ADAMTS9: variants seen among roughly 807,000 people sequenced by gnomAD.
The protein encoded by ADAMTS9 is ADAM metallopeptidase with thrombospondin type 1 motif 9.
A neutral mutation model predicts 257.1 loss-of-function variants in ADAMTS9; 107 were observed. The ratio of observed to expected loss-of-function variants is 0.42; its 90% CI spans 0.36 to 0.49. The LOEUF is 0.49. Among genes scored for constraint, ADAMTS9 ranks in the 20% least tolerant of loss-of-function variants. The pLI is 0.03. For synonymous variants in ADAMTS9, 982 were observed against 880.9 expected (o/e 1.11, Z -2.03); for missense variants, 2,353 against 2,469.1 (o/e 0.95, Z 1.00).
At chr3:64,541,729 G>T (rs890249409) in intron 33 of ADAMTS9, 109 bp from the exon 34 acceptor site, 2 of 1,562,726 alleles carry the variant, frequency 1.3e-6, no homozygotes, top group Non-Finnish European at 1.8e-6. Flanking sequence ...CAAAGCGAAT[G>T]ATTTCCTTCA....
rs150618300 is a variant in ADAMTS9 at position 64,604,431 on chromosome 3, A to G, written c.3475-100T>C. The G allele has an allele frequency of 6.0e-6, 5 of 837,208 alleles. No individual in the cohort carries two copies. The East Asian group carries it at 1.1e-4, about 18-fold the overall frequency. 51.9% of individuals were successfully genotyped at this position (837,208 alleles called of 1,614,324 possible). On this transcript the variant is annotated intron_variant, in intron 23 of 39. Coordinates refer to ENST00000498707, the MANE Select transcript of ADAMTS9 (RefSeq NM_182920.2). ...TAAAAATGTAAAGGCTAAGAATTCTAAGGCTTCAGATTTCTGTGTGAATCT... is the reference window on the plus strand; with the variant it reads ...TAAAAATGTAAAGGCTAAGAATTCTGAGGCTTCAGATTTCTGTGTGAATCT...
At chr3:64,667,959 TTTTAC>T (rs1701389860) in intron 3 of ADAMTS9, among the ~76,000 whole-genome samples, 1 of 152,232 alleles carries the variant, frequency 6.6e-6, no homozygotes, top group Admixed American at 6.5e-5. Flanking sequence ...AGGGCCTGTG[TTTTAC>T]TAAGAGACTA....
chr3:64,613,848 A>C (rs2084712549), intron 21 of ADAMTS9, among the ~76,000 whole-genome samples: 1 of 152,152 alleles, frequency 6.6e-6, no homozygotes, highest in Non-Finnish European at 1.5e-5. Flanking sequence ...CACTTATATA[A>C]CCAGTCACAA....
At chr3:64,653,586 G>A (rs1356656309) in intron 8 of ADAMTS9, among the ~76,000 whole-genome samples, 2 of 152,126 alleles carry the variant, frequency 1.3e-5, no homozygotes, top group African/African-American at 2.4e-5. Context: ...TTAGCTCTAA[G>A]TAAAGTTACC....
At chr3:64,570,710 A>AG (rs1194046930) in intron 28 of ADAMTS9, among the ~76,000 whole-genome samples, 2 of 151,586 alleles carry the variant, frequency 1.3e-5, no homozygotes, top group Non-Finnish European at 2.9e-5. Flanking sequence ...AAAAAAAAAA[A>AG]AAAAAAAAAA....
chr3:64,624,670 C>T (rs1291888276), intron 16 of ADAMTS9, among the ~76,000 whole-genome samples: 4 of 152,100 alleles, frequency 2.6e-5, no homozygotes, highest in African/African-American at 7.2e-5. Context: ...TACTACTTTG[C>T]TATTATGTGA....
chr3:64,674,382 A>G (rs898406086), intron 3 of ADAMTS9, among the ~76,000 whole-genome samples: 5 of 152,218 alleles, frequency 3.3e-5, no homozygotes, highest in Admixed American at 6.5e-5. Flanking sequence ...AAAATTCATA[A>G]TCAGTCTTGA....
intron 19 of ADAMTS9, among the ~76,000 whole-genome samples, 177 bp downstream of exon 19, chr3:64,620,937 A>G (rs1001965018): frequency 6.6e-6 from 1 of 152,224 alleles, no homozygotes; most frequent in East Asian, 1.9e-4. Context: ...AAATCTGCAC[A>G]TGTATGTCTT....
chr3:64,550,367 T>C (rs1389813222), intron 31 of ADAMTS9: 3 of 152,290 alleles, frequency 2.0e-5, no homozygotes, highest in African/African-American at 7.2e-5. Context: ...GCCCCCATTT[T>C]CAAGTTAGGA....
chr3:64,554,063 C>G lies in ADAMTS9; in HGVS notation c.4699-3001G>C, dbSNP rs182266123. On this transcript the variant is annotated intron_variant, in intron 30 of 39. Coordinates refer to ENST00000498707, the MANE Select transcript of ADAMTS9 (RefSeq NM_182920.2). ...AGGACTTAGGTGACTCTGAGAAGAT[C>G]CTAATTATTGCGCAGCTAAACCTGG... 1.2e-3 allele frequency among the ~76,000 whole-genome samples: 187 copies of G among 152,282 alleles called. 1 individual carries two copies. Among genetic ancestry groups the G allele is most frequent in the Non-Finnish European group, 1.4e-3 (98 of 68,022 alleles).
intron 6 of ADAMTS9, among the ~76,000 whole-genome samples, chr3:64,655,208 C>A (rs1032197836): frequency 1.3e-5 from 2 of 152,222 alleles, no homozygotes; most frequent in Non-Finnish European, 2.9e-5. Context: ...ACAGCAGCTG[C>A]CCTTGCCTGT....
At position 64,621,110 on chromosome 3, in the gene ADAMTS9, C is replaced by T. The variant is rs1700092129; in HGVS notation, c.2813+4G>A. The T allele has an allele frequency of 6.2e-7, 1 of 1,603,292 alleles. No homozygotes were observed. Among genetic ancestry groups the T allele is most frequent in the African/African-American group, 1.3e-5 (1 of 74,324 alleles). On this transcript the variant is annotated splice_donor_region_variant and intron_variant, in intron 19 of 39. Transcript: ENST00000498707. ...ATAAAGGCCTTGAGAAAACAGTGGC[C>T]CACCTCAGGTCACAGTCTGTACCAC...
intron 30 of ADAMTS9, among the ~76,000 whole-genome samples, chr3:64,554,998 C>G (rs764564484): frequency 2.6e-5 from 4 of 152,132 alleles, no homozygotes; most frequent in African/African-American, 4.8e-5. Context: ...GGTGCAATTC[C>G]CTAACCATGG....
intron 31 of ADAMTS9, 23 bp from the exon 32 acceptor site, chr3:64,546,975 G>A (rs780633069): frequency 8.2e-6 from 13 of 1,589,176 alleles, no homozygotes; most frequent in Non-Finnish European, 1.1e-5. Flanking sequence ...GGATTGAGAG[G>A]AGAGGTTCGA....
At chr3:64,595,384 G>T (rs2084347334) in intron 27 of ADAMTS9, among the ~76,000 whole-genome samples, 1 of 152,200 alleles carries the variant, frequency 6.6e-6, no homozygotes, top group African/African-American at 2.4e-5. Flanking sequence ...GGACAGTGCT[G>T]CTGCGCTCAA....
intron 8 of ADAMTS9, 60 bp downstream of exon 8, chr3:64,654,293 C>T (rs956409258): frequency 5.3e-5 from 80 of 1,495,620 alleles, no homozygotes; most frequent in African/African-American, 2.1e-4. Flanking sequence ...CTCACTGATG[C>T]GAAGGAATAA....
rs1428606108 is a variant in ADAMTS9 at position 64,687,204 on chromosome 3, A to G, written c.116-236T>C. ...CCAGACAATTAACAAGTCAAAATAT[A>G]TATGATTTCAGATATTGATAAATAA... On this transcript the variant is annotated intron_variant, in intron 1 of 39. Coordinates refer to ENST00000498707, the MANE Select transcript of ADAMTS9 (RefSeq NM_182920.2). This position sits in a 1 kb window ranked among gnomAD's most constrained non-coding sequence, Gnocchi z 4.4. 6.6e-6 allele frequency among the ~76,000 whole-genome samples: 1 copy of G among 152,322 alleles called. No individual in the cohort carries two copies. Among genetic ancestry groups the G allele is most frequent in the East Asian group, 1.9e-4 (1 of 5,172 alleles).
intron 30 of ADAMTS9, among the ~76,000 whole-genome samples, chr3:64,559,644 A>G (rs1198738997): frequency 6.6e-6 from 1 of 152,248 alleles, no homozygotes; most frequent in Admixed American, 6.5e-5. Flanking sequence ...GTAAGGTTTA[A>G]AAAAGATCCA....
intron 39 of ADAMTS9, among the ~76,000 whole-genome samples, chr3:64,518,708 T>A (rs892571178): frequency 6.6e-6 from 1 of 151,124 alleles, no homozygotes; most frequent in Admixed American, 6.6e-5. Context: ...TTAAGAGCAC[T>A]GGCTTTAGTG....
Sources: gnomAD v4.1 joint callset for allele counts (sites outside exome capture counted in the v4.1 genomes callset) on GRCh38, gnomAD v4.1.1 for gene constraint, Gnocchi (gnomAD v3.1) non-coding constraint, MANE v1.5 for transcripts, NCBI Gene and HGNC (gene_info 2026-07-23, HGNC 2026-07-21) for gene names.